Variants in NOP16 observed in about 807,000 individuals in gnomAD.
The protein encoded by NOP16 is nucleolar protein 16.
NOP16 carries 14 observed loss-of-function variants against 22.7 expected under a neutral mutation model. The ratio of observed to expected loss-of-function variants is 0.62; its 90% CI spans 0.41 to 0.97. The LOEUF is 0.97. NOP16 is among the 50% of genes least tolerant of loss of function. The pLI is 0.00. For synonymous variants in NOP16, 80 were observed against 83.6 expected, an observed-to-expected ratio of 0.96 and a Z score of 0.23; for missense variants, 198 against 235.9, an observed-to-expected ratio of 0.84 and a Z score of 1.05.
chr5:176,385,358 G>T, intron 3 of NOP16, 31 bp from the exon 4 acceptor site: 2 of 1,302,906 alleles, frequency 1.5e-6, no homozygotes, highest in Non-Finnish European at 2.2e-6. Context: ...GGGAGACAGG[G>T]AATGAGGCTT....
chr5:176,384,101 T>C lies in NOP16; in HGVS notation c.*130A>G. On this transcript the variant is annotated 3_prime_UTR_variant, in exon 5 of 5. Transcript: ENST00000614830. The stretch of plus-strand genomic sequence containing the variant: ...AGCGGGGAGTGTGCACGTGTGTGTG[T>C]AACCTTCTGATTCCATGGGACCTGG... 3.1e-6 allele frequency: 5 copies of C among 1,605,436 alleles called. No homozygotes were observed. Among genetic ancestry groups the C allele is most frequent in the Non-Finnish European group, 4.2e-6 (5 of 1,179,234 alleles).
chr5:176,384,099 T>C lies in NOP16; in HGVS notation c.*132A>G. On this transcript the variant is annotated 3_prime_UTR_variant, in exon 5 of 5. Coordinates refer to ENST00000614830, the MANE Select transcript of NOP16 (RefSeq NM_016391.8). ...AGAGCGGGGAGTGTGCACGTGTGTG[T>C]GTAACCTTCTGATTCCATGGGACCT... is the stretch of plus-strand genomic sequence containing the variant. 3.1e-6 allele frequency: 5 copies of C among 1,605,622 alleles called. No individual in the cohort carries two copies. The highest frequency in any genetic ancestry group is 4.2e-6 in the Non-Finnish European group (5 of 1,179,116).
chr5:176,385,013 G>A, intron 4 of NOP16: 1 of 584,750 alleles, frequency 1.7e-6, no homozygotes, highest in South Asian at 2.2e-5. Context: ...TTATCTGTGA[G>A]TGAGACTGGA....
chr5:176,384,085 T>A lies in NOP16; in HGVS notation c.*146A>T. 6.3e-7 allele frequency: 1 copy of A among 1,597,028 alleles called. No homozygotes were observed. The highest frequency in any genetic ancestry group is 8.5e-7 in the Non-Finnish European group (1 of 1,176,482). On this transcript the variant is annotated 3_prime_UTR_variant, in exon 5 of 5. Transcript: ENST00000614830. ...ACAGTTCCTTCCCCAGAGCGGGGAG[T>A]GTGCACGTGTGTGTGTAACCTTCTG...
rs1484991938 is a variant in NOP16, at chr5:176,384,160, C to G, written c.*71G>C. On this transcript the variant is annotated 3_prime_UTR_variant, in exon 5 of 5. Coordinates refer to ENST00000614830, the MANE Select transcript of NOP16 (RefSeq NM_016391.8). ...TCTGGAGCCACACAGCACCTCCTTG[C>G]CTTACACCCTGGCTCCAGCTTCACT... 6.2e-7 allele frequency: 1 copy of G among 1,613,738 alleles called. No individual in the cohort carries two copies. Among genetic ancestry groups the G allele is most frequent in the East Asian group, 2.2e-5 (1 of 44,868 alleles).
At position 176,387,390 on chromosome 5, in the gene NOP16, C is replaced by T. The variant is rs73328138; in HGVS notation, c.217-481G>A. On this transcript the variant is annotated intron_variant, in intron 2 of 4. Transcript: ENST00000614830. ...TTTGTGTTTTGTTCTCTATTAAATC[C>T]CCAGGGTGCTTAGGATGTGACATGT... Among the ~76,000 whole-genome samples, 450 of 152,320 alleles carry T rather than the reference C, an allele frequency of 3.0e-3. 2 individuals carry two copies. The highest frequency in any genetic ancestry group is 0.01 in the African/African-American group (426 of 41,566).
chr5:176,388,419 C>T lies in NOP16; in HGVS notation c.107+14G>A. 6.2e-7 allele frequency: 1 copy of T among 1,614,012 alleles called. No individual in the cohort carries two copies. Among genetic ancestry groups the T allele is most frequent in the Non-Finnish European group, 8.5e-7 (1 of 1,179,874 alleles). On this transcript the variant is annotated intron_variant, in intron 1 of 4. Transcript: ENST00000614830. Reference sequence around the variant, plus strand: ...GCCGAGGCCCACGGCCACCCGGAACCCCAGCCCCCTCACCATTCGATCCGC... The same window carrying T: ...GCCGAGGCCCACGGCCACCCGGAACTCCAGCCCCCTCACCATTCGATCCGC...
chr5:176,384,079 G>T lies in NOP16; in HGVS notation c.*152C>A. The T allele has an allele frequency of 6.3e-7, 1 of 1,591,816 alleles. No individual in the cohort carries two copies. The highest frequency in any genetic ancestry group is 1.3e-5 in the African/African-American group (1 of 74,288). Reference sequence around the variant, plus strand: ...CTGAGAACAGTTCCTTCCCCAGAGCGGGGAGTGTGCACGTGTGTGTGTAAC... The same window carrying T: ...CTGAGAACAGTTCCTTCCCCAGAGCTGGGAGTGTGCACGTGTGTGTGTAAC... On this transcript the variant is annotated 3_prime_UTR_variant, in exon 5 of 5. Coordinates refer to ENST00000614830, the MANE Select transcript of NOP16 (RefSeq NM_016391.8).
chr5:176,386,922 G>A lies in NOP16; in HGVS notation c.217-13C>T. The A allele has an allele frequency of 6.2e-7, 1 of 1,612,624 alleles. No individual in the cohort carries two copies. The highest frequency in any genetic ancestry group is 8.5e-7 in the Non-Finnish European group (1 of 1,178,644). Reference sequence around the variant, plus strand: ...CCATGGCCTTCACCTGCAGAGAACAGAGCCCTTGAGACCAGAAGGATCTTT... The same window carrying A: ...CCATGGCCTTCACCTGCAGAGAACAAAGCCCTTGAGACCAGAAGGATCTTT... On this transcript the variant is annotated splice_polypyrimidine_tract_variant and intron_variant, in intron 2 of 4. Coordinates refer to ENST00000614830, the MANE Select transcript of NOP16 (RefSeq NM_016391.8).
In NOP16 at chr5:176,388,589, G is replaced by A. The variant is rs1756090984; in HGVS notation, c.-50C>T. On this transcript the variant is annotated 5_prime_UTR_variant, in exon 1 of 5. Coordinates refer to ENST00000614830, the MANE Select transcript of NOP16 (RefSeq NM_016391.8). ...TCAAACACGCTGCCTCTGTCTCTCA[G>A]ACCTCGTGTAACAAACTCCTTCCGG... 1.3e-6 allele frequency: 2 copies of A among 1,533,058 alleles called. No homozygotes were observed. Among genetic ancestry groups the A allele is most frequent in the Admixed American group, 1.7e-5 (1 of 58,390 alleles). 95.0% of individuals were successfully genotyped at this position (1,533,058 alleles called of 1,614,324 possible). A position where few individuals can be genotyped will look rare whatever the true frequency, so the allele number is the denominator to read the frequency against.
rs201428485 is a variant in NOP16 at position 176,384,091 on chromosome 5, C to T, written c.*140G>A. 1.2e-5 allele frequency: 19 copies of T among 1,602,200 alleles called. No individual in the cohort carries two copies. The highest frequency in any genetic ancestry group is 6.7e-5 in the Admixed American group (4 of 59,334). On this transcript the variant is annotated 3_prime_UTR_variant, in exon 5 of 5. Transcript: ENST00000614830. ...CCTTCCCCAGAGCGGGGAGTGTGCA[C>T]GTGTGTGTGTAACCTTCTGATTCCA...
intron 2 of NOP16, 169 bp from the exon 3 acceptor site, chr5:176,387,078 CTTTT>C (rs370678945): frequency 4.2e-6 from 1 of 237,598 alleles, no homozygotes; most frequent in South Asian, 5.7e-5. Context: ...CTCTCTCTCT[CTTTT>C]TTTTTTTCTT....
chr5:176,384,038 A>AT lies in NOP16; in HGVS notation c.*192dup. The AT allele has an allele frequency of 6.5e-7, 1 of 1,544,248 alleles. No individual in the cohort carries two copies. The highest frequency in any genetic ancestry group is 8.7e-7 in the Non-Finnish European group (1 of 1,150,240). On this transcript the variant is annotated 3_prime_UTR_variant, in exon 5 of 5. Coordinates refer to ENST00000614830, the MANE Select transcript of NOP16 (RefSeq NM_016391.8). ...GGCTTTTCCGTGAACCCCCAGATGAATATAAATTGGAGCCTCTGAGAACAG... is the reference window on the plus strand; with the variant it reads ...GGCTTTTCCGTGAACCCCCAGATGAATTATAAATTGGAGCCTCTGAGAACAG...
chr5:176,384,711 G>A (rs1755695723), intron 4 of NOP16: 5 of 391,396 alleles, frequency 1.3e-5, no homozygotes, highest in Non-Finnish European at 2.3e-5. Flanking sequence ...ATGAGGCTGC[G>A]GTGAGCCATG....
intron 2 of NOP16, among the ~76,000 whole-genome samples, chr5:176,388,005 G>A (rs2113599125): frequency 6.6e-6 from 1 of 152,320 alleles, no homozygotes; most frequent in South Asian, 2.1e-4. Flanking sequence ...TAATTTCAGA[G>A]AAAAAAGACT....
chr5:176,388,259 C>A lies in NOP16; in HGVS notation c.192G>T (p.Arg64Ser). 6.2e-7 allele frequency: 1 copy of A among 1,613,796 alleles called. No individual in the cohort carries two copies. The highest frequency in any genetic ancestry group is 8.5e-7 in the Non-Finnish European group (1 of 1,179,704). ...AEMGLAVDPN[R>S]AVPLRKRKVK... ...CCTTTCTCTTACGGAGGGGCACCGC[C>A]CTGTTGGGGTCCACAGCCAACCCCA... The change falls in exon 2 of 5, where the codon AGG becomes AGT. Residue 64 changes from arginine to serine, a missense_variant. Transcript: ENST00000614830.
At chr5:176,384,892 G>T (rs1755709246) in intron 4 of NOP16, 1 of 526,704 alleles carries the variant, frequency 1.9e-6, no homozygotes, top group African/African-American at 1.9e-5. Flanking sequence ...AGTGTAGCCG[G>T]ATCTTTCAAC....
intron 2 of NOP16, 145 bp downstream of exon 2, chr5:176,388,090 T>C: frequency 1.6e-6 from 1 of 623,980 alleles, no homozygotes; most frequent in Non-Finnish European, 2.9e-6. Context: ...TTGCTCAACG[T>C]CAGTTGAGCG....
intron 3 of NOP16, 76 bp downstream of exon 3, chr5:176,386,764 G>T: frequency 7.8e-7 from 1 of 1,286,416 alleles, no homozygotes; most frequent in Non-Finnish European, 1.1e-6. Context: ...TCTGCAAAAT[G>T]AGGACATCTT....
Sources: gnomAD v4.1 joint callset for allele counts (sites outside exome capture counted in the v4.1 genomes callset) on GRCh38, gnomAD v4.1.1 for gene constraint, MANE v1.5 for transcripts, NCBI Gene and HGNC (gene_info 2026-07-23, HGNC 2026-07-21) for gene names.